Variants in CHERP observed in about 807,000 individuals in gnomAD.
CHERP encodes calcium homeostasis endoplasmic reticulum protein.
Under a neutral mutation model 113.8 loss-of-function variants are expected in CHERP, and 8 were observed. The ratio of observed to expected loss-of-function variants is 0.07; its 90% CI spans 0.04 to 0.13. CHERP has a LOEUF of 0.13. Ranked by LOEUF, CHERP falls within the 10% of genes least tolerant of loss-of-function variation. The pLI is 1.00. For synonymous variants in CHERP, 559 were observed against 524.5 expected (o/e 1.07, Z -0.90); for missense variants, 884 against 1,298.2 (o/e 0.68, Z 4.90).
At chr19:16,539,210 C>T (rs569778931) in intron 2 of CHERP, among the ~76,000 whole-genome samples, 13 of 144,472 alleles carry the variant, frequency 9.0e-5, no homozygotes, top group African/African-American at 2.3e-4. Flanking sequence ...TGCAGTGGTG[C>T]GATCTCGGCT....
rs748706345 is a variant in CHERP at position 16,523,742 on chromosome 19, G to A, written c.1742-452C>T. Among the ~76,000 whole-genome samples the A allele has an allele frequency of 1.4e-4, 21 of 152,030 alleles. No individual in the cohort carries two copies. The highest frequency in any genetic ancestry group is 1.9e-4 in the African/African-American group (8 of 41,474). The stretch of plus-strand genomic sequence containing the variant: ...GGACACAGACATGTAGAGAGAAGAC[G>A]GTCACCTATGAGCCAAGGAGACAGG... On this transcript the variant is annotated intron_variant, in intron 10 of 16. Transcript: ENST00000546361. The surrounding 1 kb of genome is among the most constrained non-coding windows in gnomAD (Gnocchi z 4.0).
At chr19:16,536,977 A>C (rs1012616495) in intron 2 of CHERP, among the ~76,000 whole-genome samples, 1 of 152,140 alleles carries the variant, frequency 6.6e-6, no homozygotes, top group African/African-American at 2.4e-5. Context: ...GCGCCACTGC[A>C]CTCCAGTGTG....
At position 16,532,915 on chromosome 19, in the gene CHERP, C is replaced by T; in HGVS notation, c.522+96G>A. The T allele has an allele frequency of 1.3e-6, 2 of 1,513,560 alleles. No individual in the cohort carries two copies. The highest frequency in any genetic ancestry group is 1.8e-6 in the Non-Finnish European group (2 of 1,122,126). 93.8% of individuals were successfully genotyped at this position (1,513,560 alleles called of 1,614,324 possible). ...GCTCCAGGCGGGAGGGAAGGGCACCCATTGTAACAGCCCTTAGCCCAGATT... is the reference window on the plus strand; with the variant it reads ...GCTCCAGGCGGGAGGGAAGGGCACCTATTGTAACAGCCCTTAGCCCAGATT... On this transcript the variant is annotated intron_variant, in intron 4 of 16. Transcript: ENST00000546361. The surrounding 1 kb of genome is among the most constrained non-coding windows in gnomAD (Gnocchi z 4.4).
Position 16,535,070 on chromosome 19 carries a change from A to T in CHERP, c.384+382T>A, listed in dbSNP as rs887890538. ...CAGCCTGGGCGACAGAACAAGACTTAAAAAAAAAAAAGGGTCCTTCCCCAA... is the reference window on the plus strand; with the variant it reads ...CAGCCTGGGCGACAGAACAAGACTTTAAAAAAAAAAAGGGTCCTTCCCCAA... On this transcript the variant is annotated intron_variant, in intron 3 of 16. Coordinates refer to ENST00000546361, the MANE Select transcript of CHERP (RefSeq NM_006387.6). The surrounding 1 kb of genome is among the most constrained non-coding windows in gnomAD (Gnocchi z 4.3). 1.4e-5 allele frequency among the ~76,000 whole-genome samples: 2 copies of T among 143,506 alleles called. No individual in the cohort carries two copies. The highest frequency in any genetic ancestry group is 5.1e-5 in the African/African-American group (2 of 39,532). The allele number at this position is 143,506 out of a possible 152,430, so 94.1% of individuals were successfully genotyped here.
In CHERP at chr19:16,529,806, A is replaced by G. The variant is rs1354619794; in HGVS notation, c.971T>C (p.Phe324Ser). ...IQTLKTQHEE[F>S]VTSLAQQQQQ... is the part of the protein sequence containing the mutation. ...CTGCTGCTGGGCCAGGCTGGTGACA[A>G]ACTCCTCGTGCTGCGTCTTGAGGGT... is the stretch of plus-strand genomic sequence containing the variant. The change falls in exon 8 of 17, where the codon TTT becomes TCT. Residue 324 changes from phenylalanine to serine, a missense_variant. Coordinates refer to ENST00000546361, the MANE Select transcript of CHERP (RefSeq NM_006387.6). 6.2e-7 allele frequency: 1 copy of G among 1,613,400 alleles called. No individual in the cohort carries two copies. Among genetic ancestry groups the G allele is most frequent in the African/African-American group, 1.3e-5 (1 of 74,878 alleles).
rs576775888 is a variant in CHERP at position 16,530,128 on chromosome 19, G to A, written c.877-228C>T. Among the ~76,000 whole-genome samples the A allele has an allele frequency of 1.3e-5, 2 of 152,338 alleles. No individual in the cohort carries two copies. Among genetic ancestry groups the A allele is most frequent in the South Asian group, 4.1e-4 (2 of 4,832 alleles). On this transcript the variant is annotated intron_variant, in intron 7 of 16. Transcript: ENST00000546361. The surrounding 1 kb of genome is among the most constrained non-coding windows in gnomAD (Gnocchi z 4.1). ...GCTGCAGCGTGTTTTACGACTCCCTGATAACAGAACGAGCAACGACAGCCG... is the reference window on the plus strand; with the variant it reads ...GCTGCAGCGTGTTTTACGACTCCCTAATAACAGAACGAGCAACGACAGCCG...
At position 16,518,901 on chromosome 19, in the gene CHERP, T is replaced by C. The variant is rs1239822088; in HGVS notation, c.*258A>G. The C allele has an allele frequency of 3.8e-6, 2 of 529,788 alleles. No homozygotes were observed. The highest frequency in any genetic ancestry group is 3.9e-5 in the African/African-American group (2 of 51,646). 32.8% of individuals were successfully genotyped at this position (529,788 alleles called of 1,614,324 possible). On this transcript the variant is annotated 3_prime_UTR_variant, in exon 17 of 17. Transcript: ENST00000546361. ...GAGGGTCTTGTGTTTTTTGCTTCGC[T>C]ATAAAGGAAAACGAGCCTGGGGCCC...
chr19:16,525,406 A>T lies in CHERP; in HGVS notation c.1577T>A (p.Phe526Tyr). Residue 526 changes from phenylalanine to tyrosine, a missense_variant, in exon 10 of 17, where the codon TTC becomes TAC. By Grantham distance (22) the Phe-to-Tyr change is conservative. This residue lies in a region of CHERP where 464 missense variants were observed against 590.1 expected (regional missense o/e 0.79). Transcript: ENST00000546361. This position sits in a 1 kb window ranked among gnomAD's most constrained non-coding sequence, Gnocchi z 6.5. ...CTGCGGGTGCTGCTGGTGGGGCGGG[A>T]AGGGCCCCCGGAAGTGTGGGGGCCG... is the stretch of plus-strand genomic sequence containing the variant. Reference protein sequence around the residue: ...MQRPPHFRGPFPPHQQHPQFN... With the variant: ...MQRPPHFRGPYPPHQQHPQFN... 1 of 1,504,594 alleles carries T rather than the reference A, an allele frequency of 6.6e-7. No homozygotes were observed. The highest frequency in any genetic ancestry group is 2.3e-5 in the Admixed American group (1 of 44,170). The allele number at this position is 1,504,594 out of a possible 1,614,324, so 93.2% of individuals were successfully genotyped here.
chr19:16,519,312 C>T lies in CHERP; in HGVS notation c.2598G>A (p.Gly866=), dbSNP rs1376728155. The T allele has an allele frequency of 1.2e-6, 2 of 1,613,728 alleles. No homozygotes were observed. The change falls in exon 17 of 17, where the codon GGG becomes GGA. Residue 866 remains glycine, a synonymous_variant. Coordinates refer to ENST00000546361, the MANE Select transcript of CHERP (RefSeq NM_006387.6). The surrounding 1 kb of genome is among the most constrained non-coding windows in gnomAD (Gnocchi z 6.0). ...GSGGLGAKEQ[G]IQDPIKGGDV... is the part of the protein sequence containing the mutation. ...CCCCGCCCTTGATGGGGTCCTGGAT[C>T]CCTTGCTCCTTCGCACCGAGGCCGC... is the stretch of plus-strand genomic sequence containing the variant.
Position 16,533,062 on chromosome 19 carries a change from A to G in CHERP, c.471T>C (p.Phe157=). The part of the protein sequence containing the change: ...LEETQLDMNE[F]DNLLQPIIDT... ...CGATGATGGGCTGCAGGAGGTTGTCAAACTCGTTCATGTCTAGCTGGGTCT... is the reference window on the plus strand; with the variant it reads ...CGATGATGGGCTGCAGGAGGTTGTCGAACTCGTTCATGTCTAGCTGGGTCT... The change falls in exon 4 of 17, where the codon TTT becomes TTC. Residue 157 remains phenylalanine, a synonymous_variant. Coordinates refer to ENST00000546361, the MANE Select transcript of CHERP (RefSeq NM_006387.6). 6.3e-7 allele frequency: 1 copy of G among 1,575,038 alleles called. No homozygotes were observed. The highest frequency in any genetic ancestry group is 1.9e-5 in the Admixed American group (1 of 53,462).
At chr19:16,537,313 T>C (rs995765876) in intron 2 of CHERP, among the ~76,000 whole-genome samples, 1 of 151,980 alleles carries the variant, frequency 6.6e-6, no homozygotes, top group Non-Finnish European at 1.5e-5. Flanking sequence ...CCCTCTCCCG[T>C]TGGACCCTCA....
Position 16,519,723 on chromosome 19 carries a change from C to A in CHERP, c.2463-8G>T. 6.2e-7 allele frequency: 1 copy of A among 1,606,926 alleles called. No homozygotes were observed. Among genetic ancestry groups the A allele is most frequent in the Non-Finnish European group, 8.5e-7 (1 of 1,173,628 alleles). ...CCCAGACCAGCAGAGGAACTAAAAT[C>A]GAGACAGGTTATTCTTTTTAAGAAG... On this transcript the variant is annotated splice_region_variant and splice_polypyrimidine_tract_variant and intron_variant, in intron 15 of 16. Transcript: ENST00000546361. The surrounding 1 kb of genome is among the most constrained non-coding windows in gnomAD (Gnocchi z 6.0).
chr19:16,531,961 ATTGT>A lies in CHERP; in HGVS notation c.674+633_674+636del, dbSNP rs2085708194. ...GTGCGGGCCTTTGGCCTGGGGTTCT[ATTGT>A]TTTTTTTTTCTTTTTTGCTAATTTT... On this transcript the variant is annotated intron_variant, in intron 5 of 16. Coordinates refer to ENST00000546361, the MANE Select transcript of CHERP (RefSeq NM_006387.6). 3 of 139,002 alleles carry A rather than the reference ATTGT, an allele frequency of 2.2e-5. No homozygotes were observed. In the South Asian group the frequency reaches 6.6e-4, roughly 31 times the overall value. 8.6% of individuals were successfully genotyped at this position (139,002 alleles called of 1,614,324 possible).
chr19:16,535,750 G>T lies in CHERP; in HGVS notation c.200-114C>A. ...CCCTCCCCAGGGACTCACCATCCAC[G>T]AGGGCCTGTTCATAGCCTCATGCCC... is the stretch of plus-strand genomic sequence containing the variant. On this transcript the variant is annotated intron_variant, in intron 2 of 16. Transcript: ENST00000546361. This position sits in a 1 kb window ranked among gnomAD's most constrained non-coding sequence, Gnocchi z 4.3. 1 of 1,041,958 alleles carries T rather than the reference G, an allele frequency of 9.6e-7. No individual in the cohort carries two copies. Among genetic ancestry groups the T allele is most frequent in the South Asian group, 1.7e-5 (1 of 59,630 alleles). 64.5% of individuals were successfully genotyped at this position (1,041,958 alleles called of 1,614,324 possible).
chr19:16,531,103 C>T (rs2085699995), intron 5 of CHERP, among the ~76,000 whole-genome samples: 1 of 152,190 alleles, frequency 6.6e-6, no homozygotes, highest in South Asian at 2.1e-4. Context: ...AGAACGTGGC[C>T]TGGGGCCGTT....
chr19:16,530,953 C>G lies in CHERP; in HGVS notation c.675-73G>C. ...GGCCACGCGCCCGTTACCATCGCGGCTCCAGCCTCAGCGCCCTCTGCCTTC... is the reference window on the plus strand; with the variant it reads ...GGCCACGCGCCCGTTACCATCGCGGGTCCAGCCTCAGCGCCCTCTGCCTTC... On this transcript the variant is annotated intron_variant, in intron 5 of 16. Coordinates refer to ENST00000546361, the MANE Select transcript of CHERP (RefSeq NM_006387.6). This position sits in a 1 kb window ranked among gnomAD's most constrained non-coding sequence, Gnocchi z 4.1. 1 of 1,569,104 alleles carries G rather than the reference C, an allele frequency of 6.4e-7. No homozygotes were observed. Among genetic ancestry groups the G allele is most frequent in the Non-Finnish European group, 8.6e-7 (1 of 1,161,362 alleles).
chr19:16,525,524 C>T lies in CHERP; in HGVS notation c.1459G>A (p.Ala487Thr), dbSNP rs11539315. Reference sequence around the variant, plus strand: ...GGGCCCTCGAACTGGCTGTTCCAGGCGGCGTCGGGCTGGTTGTTCCAGGGC... The same window carrying T: ...GGGCCCTCGAACTGGCTGTTCCAGGTGGCGTCGGGCTGGTTGTTCCAGGGC... ...DAPWNNQPDA[A>T]WNSQFEGPWN... The change falls in exon 10 of 17, where the codon GCC becomes ACC. Residue 487 changes from alanine to threonine, a missense_variant. Ala to Thr is a moderately conservative substitution (Grantham distance 58). This residue lies in a region of CHERP where 464 missense variants were observed against 590.1 expected (regional missense o/e 0.79). Transcript: ENST00000546361. This position sits in a 1 kb window ranked among gnomAD's most constrained non-coding sequence, Gnocchi z 6.5. The T allele has an allele frequency of 7.8e-4, 1,205 of 1,548,364 alleles. 9 individuals carry two copies. The African/African-American group carries it at 0.014, about 18-fold the overall frequency.
At chr19:16,531,030 A>G in intron 5 of CHERP, 150 bp from the exon 6 acceptor site, 1 of 1,305,950 alleles carries the variant, frequency 7.7e-7, no homozygotes, top group Non-Finnish European at 1.0e-6. Flanking sequence ...CTCCCACGAG[A>G]CCTGTGCTGG....
In CHERP at chr19:16,519,460, G is replaced by C. The variant is rs955184958; in HGVS notation, c.2558-108C>G. 3.0e-6 allele frequency: 4 copies of C among 1,332,922 alleles called. No homozygotes were observed. The South Asian group carries it at 5.2e-5, about 17-fold the overall frequency. 82.6% of individuals were successfully genotyped at this position (1,332,922 alleles called of 1,614,324 possible). The stretch of plus-strand genomic sequence containing the variant: ...AGTGTAGACATGGGAAATGGGTAGA[G>C]AGAACCCGCAGGCCGGCCCTGTCTA... On this transcript the variant is annotated intron_variant, in intron 16 of 16. Coordinates refer to ENST00000546361, the MANE Select transcript of CHERP (RefSeq NM_006387.6). This position sits in a 1 kb window ranked among gnomAD's most constrained non-coding sequence, Gnocchi z 6.0.
Sources: gnomAD v4.1 joint callset for allele counts (sites outside exome capture counted in the v4.1 genomes callset) on GRCh38, gnomAD v4.1.1 for gene constraint, gnomAD v4.1.1 regional missense constraint, Gnocchi (gnomAD v3.1) non-coding constraint, MANE v1.5 for transcripts, NCBI Gene and HGNC (gene_info 2026-07-23, HGNC 2026-07-21) for gene names.